Variants in NDUFAF5 observed in about 807,000 individuals in gnomAD.
The protein encoded by NDUFAF5 is arginine-hydroxylase NDUFAF5, mitochondrial.
A neutral mutation model predicts 48.9 loss-of-function variants in NDUFAF5; 34 were observed. The observed-to-expected ratio is 0.70, with a 90% CI of 0.53 to 0.93. The LOEUF is 0.93. Ranked by LOEUF, NDUFAF5 falls within the 40% of genes least tolerant of loss-of-function variation. The pLI is 0.00. For missense variants in NDUFAF5, 428 were observed against 427.5 expected (o/e 1.00, Z -0.01); for synonymous variants, 153 against 150.6 (o/e 1.02, Z -0.12).
chr20:13,789,507 G>A (rs571010037), intron 3 of NDUFAF5, among the ~76,000 whole-genome samples: 80 of 138,366 alleles, frequency 5.8e-4, no homozygotes, highest in South Asian at 1.2e-3. Flanking sequence ...ACAGAGTCTC[G>A]CTCTGTTGCC....
chr20:13,816,772 AGT>A, intron 9 of NDUFAF5, 101 bp from the exon 10 acceptor site: 1 of 821,328 alleles, frequency 1.2e-6, no homozygotes, highest in South Asian at 1.4e-5. Flanking sequence ...GAATCTTACA[AGT>A]ATCCTTGTAC....
At chr20:13,800,743 G>C (rs529719910) in intron 6 of NDUFAF5, among the ~76,000 whole-genome samples, 1 of 152,334 alleles carries the variant, frequency 6.6e-6, no homozygotes, top group Non-Finnish European at 1.5e-5. Context: ...CCATGATTTT[G>C]TGGGTTGGCA....
At chr20:13,792,061 C>T (rs1403055511) in intron 3 of NDUFAF5, among the ~76,000 whole-genome samples, 1 of 152,140 alleles carries the variant, frequency 6.6e-6, no homozygotes, top group Non-Finnish European at 1.5e-5. Context: ...CTGCCTATAC[C>T]CTGAAGTCTA....
At chr20:13,790,813 C>T (rs1488714701) in intron 3 of NDUFAF5, among the ~76,000 whole-genome samples, 3 of 152,216 alleles carry the variant, frequency 2.0e-5, no homozygotes, top group Admixed American at 2.0e-4. Context: ...ATCTGTGTGT[C>T]TTAGTTGCTC....
In NDUFAF5 at chr20:13,812,034, C is replaced by G. The variant is rs1034866149; in HGVS notation, c.778+3132C>G. ...TTGTTGTTCTTGCTTGCTTAAGTTA[C>G]GAGTGAGAATAATTAGGGCCAAAGA... On this transcript the variant is annotated intron_variant, in intron 8 of 10. Coordinates refer to ENST00000378106, the MANE Select transcript of NDUFAF5 (RefSeq NM_024120.5). Among the ~76,000 whole-genome samples, 4 of 152,150 alleles carry G rather than the reference C, an allele frequency of 2.6e-5. No homozygotes were observed. The East Asian group carries it at 7.7e-4, about 29-fold the overall frequency.
intron 1 of NDUFAF5, 106 bp downstream of exon 1, chr20:13,785,396 C>A: frequency 2.1e-6 from 2 of 933,392 alleles, no homozygotes; most frequent in Non-Finnish European, 3.2e-6. Context: ...AGCCGTCTGA[C>A]CTTGACCAGC....
intron 1 of NDUFAF5, chr20:13,787,021 C>A: frequency 2.2e-6 from 1 of 459,530 alleles, no homozygotes; most frequent in Non-Finnish European, 4.0e-6. Context: ...GCTTTTCATC[C>A]TTGTGATCTT....
intron 4 of NDUFAF5, among the ~76,000 whole-genome samples, chr20:13,794,107 T>A (rs1016516471): frequency 6.6e-6 from 1 of 152,214 alleles, no homozygotes; most frequent in Admixed American, 6.5e-5. Flanking sequence ...TTTATTGATT[T>A]CTATTAATAG....
At chr20:13,804,575 G>A (rs1293033309) in intron 7 of NDUFAF5, among the ~76,000 whole-genome samples, 3 of 151,956 alleles carry the variant, frequency 2.0e-5, no homozygotes, top group Admixed American at 1.3e-4. Flanking sequence ...CTTAATTTCC[G>A]CATATTATTT....
intron 6 of NDUFAF5, among the ~76,000 whole-genome samples, chr20:13,800,554 C>G (rs894646772): frequency 2.0e-5 from 3 of 152,126 alleles, no homozygotes; most frequent in African/African-American, 7.2e-5. Flanking sequence ...CATTATTTTC[C>G]TTAAGTTACT....
chr20:13,810,612 GT>G (rs1015567580), intron 8 of NDUFAF5, among the ~76,000 whole-genome samples: 48 of 146,648 alleles, frequency 3.3e-4, no homozygotes, highest in Admixed American at 9.6e-4. Context: ...AGATGAGGTT[GT>G]TTTTTTTTTT....
Position 13,788,576 on chromosome 20 carries a change from T to G in NDUFAF5, c.264-13T>G. ...TTATGGACAGAGCATAACCTCTGTG[T>G]CTTTTTTTTTAGAAATTTCCCCCTT... On this transcript the variant is annotated splice_polypyrimidine_tract_variant and intron_variant, in intron 2 of 10. Transcript: ENST00000378106. 1.3e-6 allele frequency: 2 copies of G among 1,598,086 alleles called. No homozygotes were observed. Among genetic ancestry groups the G allele is most frequent in the Non-Finnish European group, 1.7e-6 (2 of 1,165,458 alleles).
intron 6 of NDUFAF5, among the ~76,000 whole-genome samples, chr20:13,799,289 G>T (rs1310222803): frequency 1.3e-5 from 2 of 152,146 alleles, no homozygotes; most frequent in African/African-American, 4.8e-5. Context: ...AAGCTGGTGG[G>T]CAAAATAATA....
At position 13,787,292 on chromosome 20, in the gene NDUFAF5, C is replaced by T. The variant is rs538620293; in HGVS notation, c.223-20C>T. 2.9e-5 allele frequency: 46 copies of T among 1,613,510 alleles called. No individual in the cohort carries two copies. Among genetic ancestry groups the T allele is most frequent in the Non-Finnish European group, 3.5e-5 (41 of 1,179,592 alleles). ...AGAGTGTTACTTCCCCGTTAACCTA[C>T]GCCTCGTGTAATCCTTCAGGTTGGA... On this transcript the variant is annotated intron_variant, in intron 1 of 10. Coordinates refer to ENST00000378106, the MANE Select transcript of NDUFAF5 (RefSeq NM_024120.5).
At position 13,785,176 on chromosome 20, in the gene NDUFAF5, C is replaced by A. The variant is rs539016310; in HGVS notation, c.108C>A (p.Arg36=). ...RREVTSGVSP[R]GSTSPRTLNI... Reference sequence around the variant, plus strand: ...AAGTCACCTCTGGTGTCTCTCCCCGCGGTAGCACCTCGCCCAGAACCCTGA... The same window carrying A: ...AAGTCACCTCTGGTGTCTCTCCCCGAGGTAGCACCTCGCCCAGAACCCTGA... The change falls in exon 1 of 11, where the codon CGC becomes CGA. Residue 36 remains arginine (R), a synonymous_variant. Transcript: ENST00000378106. 16 of 1,613,752 alleles carry A rather than the reference C, an allele frequency of 9.9e-6. No individual in the cohort carries two copies. Among genetic ancestry groups the A allele is most frequent in the African/African-American group, 1.3e-5 (1 of 74,926 alleles).
In NDUFAF5 at chr20:13,799,709, A is replaced by AAAAAG. The variant is rs373697723; in HGVS notation, c.519+1212_519+1213insAGAAA. On this transcript the variant is annotated intron_variant, in intron 6 of 10. Transcript: ENST00000378106. ...GTGAGACTCTGTCTCAAAAAAAAAA[A>AAAAAG]AAAGAAAGAAACTGATGCCTGGAGC... Among the ~76,000 whole-genome samples, 186 of 148,590 alleles carry AAAAAG rather than the reference A, an allele frequency of 1.3e-3. 2 individuals carry two copies. Among genetic ancestry groups the AAAAAG allele is most frequent in the African/African-American group, 3.2e-3 (129 of 40,308 alleles).
chr20:13,798,048 GAAT>G (rs1336400657), intron 5 of NDUFAF5, among the ~76,000 whole-genome samples: 2 of 152,134 alleles, frequency 1.3e-5, no homozygotes. Context: ...GTCTGACTTA[GAAT>G]AATACTATAT....
intron 8 of NDUFAF5, among the ~76,000 whole-genome samples, chr20:13,809,438 A>G (rs748478992): frequency 1.3e-5 from 2 of 152,360 alleles, no homozygotes; most frequent in Non-Finnish European, 2.9e-5. Context: ...AGAGTAGGCA[A>G]GTGAATCTGA....
At chr20:13,794,725 G>A (rs1007514819) in intron 4 of NDUFAF5, 113 bp from the exon 5 acceptor site, 12 of 759,832 alleles carry the variant, frequency 1.6e-5, no homozygotes, top group African/African-American at 3.4e-5. Flanking sequence ...GGGAAGGGGG[G>A]TAGAAACTGC....
Sources: gnomAD v4.1 joint callset for allele counts (sites outside exome capture counted in the v4.1 genomes callset) on GRCh38, gnomAD v4.1.1 for gene constraint, MANE v1.5 for transcripts, NCBI Gene and HGNC (gene_info 2026-07-23, HGNC 2026-07-21) for gene names.